The following MAP3K2 variants were observed in gnomAD, a reference collection of about 807,000 sequenced individuals.
MAP3K2 encodes the protein mitogen-activated protein kinase kinase kinase 2, also known as MAP/ERK kinase kinase 2.
A neutral mutation model predicts 80.3 loss-of-function variants in MAP3K2; 24 were observed. The ratio of observed to expected loss-of-function variants is 0.30; its 90% CI spans 0.22 to 0.42. The LOEUF (loss-of-function observed/expected upper bound fraction) is 0.42, where lower values mean the gene tolerates loss of function less well. Among genes scored for constraint, MAP3K2 ranks in the 10% least tolerant of loss-of-function variants. MAP3K2 has a pLI of 1.00. For synonymous variants in MAP3K2, 244 were observed against 253.7 expected (o/e 0.96, Z 0.36); for missense variants, 608 against 750.1 (o/e 0.81, Z 2.21).
At chr2:127,326,611 C>T in intron 8 of MAP3K2, 76 bp downstream of exon 8, 1 of 1,079,808 alleles carries the variant, frequency 9.3e-7, no homozygotes, top group South Asian at 2.3e-5. Context: ...ACACACACAC[C>T]CAGTTACGTG....
rs1685711714 is a variant in MAP3K2, at chr2:127,306,883, C to T, written c.*696G>A. On this transcript the variant is annotated 3_prime_UTR_variant, in exon 17 of 17. Coordinates refer to ENST00000682094, the MANE Select transcript of MAP3K2 (RefSeq NM_001371910.2). This position sits in a 1 kb window ranked among gnomAD's most constrained non-coding sequence, Gnocchi z 4.7. ...GTGTGTGTGTGTGTGTGTTTTTAAG[C>T]AGAAAGCTATCCCTCAAGGTTTACA... The T allele has an allele frequency of 6.6e-6, 1 of 150,388 alleles. No homozygotes were observed. Among genetic ancestry groups the T allele is most frequent in the African/African-American group, 2.5e-5 (1 of 39,980 alleles). The allele number at this position is 150,388 out of a possible 1,614,324, so 9.3% of individuals were successfully genotyped here. A position where few individuals can be genotyped will look rare whatever the true frequency, so the allele number is the denominator to read the frequency against.
intron 5 of MAP3K2, among the ~76,000 whole-genome samples, chr2:127,331,802 C>T (rs1319700072): frequency 6.6e-6 from 1 of 152,188 alleles, no homozygotes; most frequent in Non-Finnish European, 1.5e-5. Flanking sequence ...GACAGGGTTT[C>T]AACATGTTGA....
chr2:127,363,419 C>T (rs1191945542), intron 1 of MAP3K2, among the ~76,000 whole-genome samples: 2 of 151,990 alleles, frequency 1.3e-5, no homozygotes, highest in Admixed American at 6.6e-5. Flanking sequence ...AAACCATGAC[C>T]AAGGCTTCAG....
intron 7 of MAP3K2, among the ~76,000 whole-genome samples, chr2:127,327,983 A>C (rs1044439900): frequency 1.3e-5 from 2 of 152,224 alleles, no homozygotes; most frequent in African/African-American, 4.8e-5. Flanking sequence ...ATGCAACTAA[A>C]GTGAATTAGA....
At chr2:127,386,566 G>C (rs912961486) in intron 1 of MAP3K2, among the ~76,000 whole-genome samples, 1 of 152,170 alleles carries the variant, frequency 6.6e-6, no homozygotes, top group Admixed American at 6.5e-5. Context: ...GACTTTTCAA[G>C]ATCTATGCAG....
chr2:127,299,081 C>T lies in MAP3K2; in HGVS notation c.*8498G>A, dbSNP rs536506417. On this transcript the variant is annotated 3_prime_UTR_variant, in exon 17 of 17. Coordinates refer to ENST00000682094, the MANE Select transcript of MAP3K2 (RefSeq NM_001371910.2). Reference sequence around the variant, plus strand: ...ATCAAAATGTGCATGAAATGTTGCACGTACCACACTGTATCTGGCTTCTGG... The same window carrying T: ...ATCAAAATGTGCATGAAATGTTGCATGTACCACACTGTATCTGGCTTCTGG... 2 of 152,254 alleles carry T rather than the reference C, an allele frequency of 1.3e-5. No individual in the cohort carries two copies. The highest frequency in any genetic ancestry group is 4.1e-4 in the South Asian group (2 of 4,826). 9.4% of individuals were successfully genotyped at this position (152,254 alleles called of 1,614,324 possible).
At chr2:127,358,013 A>C (rs1214183064) in intron 1 of MAP3K2, among the ~76,000 whole-genome samples, 1 of 152,216 alleles carries the variant, frequency 6.6e-6, no homozygotes, top group Middle Eastern at 3.2e-3. Context: ...TTCAAAAAAC[A>C]CCATTAAAAA....
At chr2:127,312,481 C>G (rs1217989221) in intron 15 of MAP3K2, among the ~76,000 whole-genome samples, 1 of 152,060 alleles carries the variant, frequency 6.6e-6, no homozygotes, top group Non-Finnish European at 1.5e-5. Context: ...GGCAACATAG[C>G]AATACCCTAT....
chr2:127,353,558 G>T (rs1490390579), intron 1 of MAP3K2, among the ~76,000 whole-genome samples: 2 of 26,654 alleles, frequency 7.5e-5, no homozygotes, highest in Non-Finnish European at 1.7e-4. Flanking sequence ...GCCCCGTCCG[G>T]GAGGGAGGTG....
At chr2:127,368,322 A>G (rs1158623579) in intron 1 of MAP3K2, among the ~76,000 whole-genome samples, 2 of 151,336 alleles carry the variant, frequency 1.3e-5, no homozygotes, top group Non-Finnish European at 2.9e-5. Flanking sequence ...ACACTGTCTC[A>G]AAAAAATAAA....
chr2:127,385,000 A>G (rs1217407833), intron 1 of MAP3K2, among the ~76,000 whole-genome samples: 2 of 152,208 alleles, frequency 1.3e-5, no homozygotes, highest in Non-Finnish European at 2.9e-5. Context: ...TTATTGAAGT[A>G]GCAACAAAGG....
chr2:127,388,051 C>G (rs1687410047), upstream of MAP3K2: 1 of 983,446 alleles, frequency 1.0e-6, no homozygotes. Context: ...TAGCGGAACC[C>G]GCCGCGGGCG....
upstream of MAP3K2, chr2:127,388,016 G>T (rs1687408027): frequency 2.0e-6 from 2 of 983,444 alleles, no homozygotes; most frequent in Non-Finnish European, 2.4e-6. Context: ...GCTCGCTCGT[G>T]CGCGCGCACC....
chr2:127,340,998 G>C (rs948695530), intron 2 of MAP3K2, among the ~76,000 whole-genome samples: 1 of 151,856 alleles, frequency 6.6e-6, no homozygotes, highest in Non-Finnish European at 1.5e-5. Context: ...GGGGACGGGG[G>C]AAGCAAGGGG....
In MAP3K2 at chr2:127,321,990, T is replaced by C. The variant is rs78823071; in HGVS notation, c.1045+56A>G. On this transcript the variant is annotated intron_variant, in intron 12 of 16. Transcript: ENST00000682094. The surrounding 1 kb of genome is among the most constrained non-coding windows in gnomAD (Gnocchi z 4.4). ...TTAGTATTTATTCCTTTTAATAATA[T>C]AAAATTCTGCAAAGATTCTGCTCTA... The C allele has an allele frequency of 2.9e-3, 4,202 of 1,448,276 alleles. 90 individuals carry two copies. In the African/African-American group the frequency reaches 0.051, roughly 17 times the overall value. The allele number at this position is 1,448,276 out of a possible 1,614,324, so 89.7% of individuals were successfully genotyped here. A position where few individuals can be genotyped will look rare whatever the true frequency, so the allele number is the denominator to read the frequency against.
intron 1 of MAP3K2, among the ~76,000 whole-genome samples, chr2:127,353,142 G>A (rs1359170976): frequency 1.3e-5 from 2 of 151,962 alleles, no homozygotes; most frequent in African/African-American, 4.8e-5. Flanking sequence ...AGTGAGGAGC[G>A]TCTCTGCCTG....
Position 127,308,603 on chromosome 2 carries a change from C to T in MAP3K2, c.1616G>A (p.Gly539Glu). 11 of 1,564,802 alleles carry T rather than the reference C, an allele frequency of 7.0e-6. No individual in the cohort carries two copies. The highest frequency in any genetic ancestry group is 9.6e-6 in the Non-Finnish European group (11 of 1,148,122). ...SPEVISGEGY[G>E]RKADIWSVAC... ...AACCTACCAGATGTCTGCTTTTCTT[C>T]CATAGCCTTCTCCACTGATGACTTC... The change falls in exon 16 of 17, where the codon GGA (glycine) becomes GAA (glutamate). Residue 539 changes from glycine to glutamate, a missense_variant. Gly to Glu is a moderately conservative substitution (Grantham distance 98, BLOSUM62 -2). This residue lies in a region of MAP3K2 where 88 missense variants were observed against 132.4 expected (regional missense o/e 0.66). Transcript: ENST00000682094.
intron 1 of MAP3K2, among the ~76,000 whole-genome samples, chr2:127,349,106 T>G (rs1235258682): frequency 2.6e-5 from 4 of 152,094 alleles, no homozygotes; most frequent in Non-Finnish European, 5.9e-5. Context: ...AAAGAAAAAA[T>G]GTAAAAATTA....
At chr2:127,338,264 A>C (rs999256272) in intron 3 of MAP3K2, among the ~76,000 whole-genome samples, 1 of 152,064 alleles carries the variant, frequency 6.6e-6, no homozygotes, top group African/African-American at 2.4e-5. Context: ...ATGCTACCTT[A>C]TTTTTTCTGG....
Sources: gnomAD v4.1 joint callset for allele counts (sites outside exome capture counted in the v4.1 genomes callset) on GRCh38, gnomAD v4.1.1 for gene constraint, gnomAD v4.1.1 regional missense constraint, Gnocchi (gnomAD v3.1) non-coding constraint, MANE v1.5 for transcripts, NCBI Gene and HGNC (gene_info 2026-07-23, HGNC 2026-07-21) for gene names.